Variants in FAT2 observed in about 807,000 individuals in gnomAD.
FAT2 encodes the protein FAT atypical cadherin 2.
In FAT2, 150 loss-of-function variants were observed where a neutral mutation model predicts 295.3. That is an observed-to-expected ratio of 0.51 (90% CI 0.44 to 0.58). FAT2 has a LOEUF of 0.58. Ranked by LOEUF, FAT2 falls within the 20% of genes least tolerant of loss-of-function variation. FAT2 has a pLI of 0.00. For synonymous variants in FAT2, 2,026 were observed against 2,150.3 expected (o/e 0.94, Z 1.60); for missense variants, 4,868 against 5,442.7 (o/e 0.89, Z 3.32).
chr5:151,534,442 C>T lies in FAT2; in HGVS notation c.9394G>A (p.Val3132Met), dbSNP rs779372985. The T allele has an allele frequency of 1.2e-6, 2 of 1,612,880 alleles. No individual in the cohort carries two copies. The highest frequency in any genetic ancestry group is 2.2e-5 in the East Asian group (1 of 44,832). ...GGATCCCGGGCAAATACTACAGCCA[C>T]AGGGGTCTTCACTGTGGTGTTGTCG... is the stretch of plus-strand genomic sequence containing the variant. ...VFDNTTVKTPVAVVFARDPDQ... is the reference protein window; with the variant it reads ...VFDNTTVKTPMAVVFARDPDQ... Residue 3132 changes from valine (V) to methionine (M), a missense_variant, in exon 13 of 24, where the codon GTG becomes ATG. Physicochemically the swap from Val to Met is conservative, Grantham distance 21 (BLOSUM62 1). Transcript: ENST00000261800.
In FAT2 at chr5:151,543,136, T is replaced by C. The variant is rs1235502835; in HGVS notation, c.7991A>G (p.Gln2664Arg). 5.6e-6 allele frequency: 9 copies of C among 1,614,188 alleles called. No homozygotes were observed. The highest frequency in any genetic ancestry group is 7.6e-6 in the Non-Finnish European group (9 of 1,180,032). ...NQTLDFFIKA[Q>R]DGGPPHWNSL... ...GTTCCAGTGAGGAGGGCCTCCATCTTGGGCTTTGATGAAGAAGTCAAGGGT... is the reference window on the plus strand; with the variant it reads ...GTTCCAGTGAGGAGGGCCTCCATCTCGGGCTTTGATGAAGAAGTCAAGGGT... Residue 2664 changes from glutamine to arginine, a missense_variant, in exon 10 of 24, where the codon CAA (glutamine) becomes CGA (arginine). Physicochemically the swap from Gln to Arg is conservative, Grantham distance 43. Transcript: ENST00000261800.
intron 2 of FAT2, among the ~76,000 whole-genome samples, chr5:151,564,815 G>C (rs187732243): frequency 9.5e-4 from 145 of 152,330 alleles, no homozygotes; most frequent in African/African-American, 3.3e-3. Context: ...GCTCATGCCT[G>C]TAGTCCTAGC....
chr5:151,565,872 G>A lies in FAT2; in HGVS notation c.3060C>T (p.Val1020=). 1 of 1,613,996 alleles carries A rather than the reference G, an allele frequency of 6.2e-7. No individual in the cohort carries two copies. The highest frequency in any genetic ancestry group is 8.5e-7 in the Non-Finnish European group (1 of 1,180,012). ...RRTLCHVEVI[V]LDVNENLHPP... is the part of the protein sequence containing the mutation. Reference sequence around the variant, plus strand: ...GGTGGAGATTCTCATTCACATCCAGGACGATCACCTCCACATGGCAGAGAG... The same window carrying A: ...GGTGGAGATTCTCATTCACATCCAGAACGATCACCTCCACATGGCAGAGAG... The change falls in exon 2 of 24, where the codon GTC becomes GTT. Residue 1020 remains valine (V), a synonymous_variant. Coordinates refer to ENST00000261800, the MANE Select transcript of FAT2 (RefSeq NM_001447.3).
At position 151,512,015 on chromosome 5, in the gene FAT2, T is replaced by C. The variant is rs1029076233; in HGVS notation, c.11905+150A>G. 4.5e-6 allele frequency: 3 copies of C among 665,516 alleles called. No individual in the cohort carries two copies. The highest frequency in any genetic ancestry group is 3.9e-5 in the South Asian group (2 of 51,012). The allele number at this position is 665,516 out of a possible 1,614,324, so 41.2% of individuals were successfully genotyped here. The stretch of plus-strand genomic sequence containing the variant: ...CTCCTGGCTTCCCCTAGTCTAGATA[T>C]TGCAGATTCCAACCTGTTACTCACA... On this transcript the variant is annotated intron_variant, in intron 21 of 23. Transcript: ENST00000261800. The surrounding 1 kb of genome is among the most constrained non-coding windows in gnomAD (Gnocchi z 4.1).
rs1481288416 is a variant in FAT2 at position 151,545,244 on chromosome 5, C to A, written c.5883G>T (p.Val1961=). Reference sequence around the variant, plus strand: ...GATCAAACTGCAAGCTTTTGTCAAGCACTTGGGTCAAAGAAATTTTTACCA... The same window carrying A: ...GATCAAACTGCAAGCTTTTGTCAAGAACTTGGGTCAAAGAAATTTTTACCA... The part of the protein sequence containing the change: ...TALVKISLTQ[V]LDKSLQFDQD... Residue 1961 remains valine, a synonymous_variant, in exon 10 of 24, where the codon GTG becomes GTT. Coordinates refer to ENST00000261800, the MANE Select transcript of FAT2 (RefSeq NM_001447.3). 1 of 1,614,152 alleles carries A rather than the reference C, an allele frequency of 6.2e-7. No individual in the cohort carries two copies. The highest frequency in any genetic ancestry group is 1.3e-5 in the African/African-American group (1 of 75,046).
chr5:151,539,724 T>C (rs916298929), intron 11 of FAT2, among the ~76,000 whole-genome samples: 1 of 152,180 alleles, frequency 6.6e-6, no homozygotes, highest in African/African-American at 2.4e-5. Flanking sequence ...TTAAAAAATA[T>C]GTTTAAAAGC....
chr5:151,593,003 A>G (rs1185869455), upstream of FAT2, among the ~76,000 whole-genome samples: 2 of 152,218 alleles, frequency 1.3e-5, no homozygotes, highest in Non-Finnish European at 2.9e-5. Context: ...GCAGGCTGCT[A>G]TGGTGTGTTG....
At chr5:151,577,955 C>T (rs1758805712) in intron 1 of FAT2, among the ~76,000 whole-genome samples, 1 of 150,644 alleles carries the variant, frequency 6.6e-6, no homozygotes, top group African/African-American at 2.4e-5. Flanking sequence ...CCCACTTCTT[C>T]TGGGGCTCTC....
chr5:151,545,673 G>C lies in FAT2; in HGVS notation c.5454C>G (p.Ser1818Arg), dbSNP rs745947520. ...CTGATACAATGGTTAGGGTTCCCATGCTGGGATCAATTTTGAAAAACTTCA... is the reference window on the plus strand; with the variant it reads ...CTGATACAATGGTTAGGGTTCCCATCCTGGGATCAATTTTGAAAAACTTCA... ...EALKFFKIDP[S>R]MGTLTIVSEM... is the part of the protein sequence containing the mutation. Residue 1818 changes from serine (S) to arginine (R), a missense_variant, in exon 10 of 24, where the codon AGC becomes AGG. This residue lies in a region of FAT2 where 3,297 missense variants were observed against 3,669.4 expected (regional missense o/e 0.90). Coordinates refer to ENST00000261800, the MANE Select transcript of FAT2 (RefSeq NM_001447.3). The C allele has an allele frequency of 3.7e-6, 6 of 1,614,068 alleles. No homozygotes were observed. Among genetic ancestry groups the C allele is most frequent in the Non-Finnish European group, 5.1e-6 (6 of 1,180,046 alleles).
chr5:151,578,091 C>T (rs563888664), intron 1 of FAT2, among the ~76,000 whole-genome samples: 3 of 151,864 alleles, frequency 2.0e-5, no homozygotes, highest in Non-Finnish European at 4.4e-5. Flanking sequence ...TCATTAGAAG[C>T]TCTAAACGCA....
intron 1 of FAT2, among the ~76,000 whole-genome samples, chr5:151,574,958 G>A (rs922309104): frequency 1.4e-4 from 22 of 152,198 alleles, no homozygotes; most frequent in Admixed American, 1.3e-3. Context: ...GATAATAATA[G>A]CTACTCCTAC....
chr5:151,543,481 G>C lies in FAT2; in HGVS notation c.7646C>G (p.Thr2549Arg), dbSNP rs1193117420. 2 of 1,614,196 alleles carry C rather than the reference G, an allele frequency of 1.2e-6. No homozygotes were observed. The highest frequency in any genetic ancestry group is 1.7e-6 in the Non-Finnish European group (2 of 1,180,034). ...TLQKLDRENS[T>R]ERVIAIKVMA... ...GACCTTAATAGCAATGACTCTCTCTGTTGAATTTTCCCGATCCAGTTTCTG... is the reference window on the plus strand; with the variant it reads ...GACCTTAATAGCAATGACTCTCTCTCTTGAATTTTCCCGATCCAGTTTCTG... Residue 2549 changes from threonine to arginine, a missense_variant, in exon 10 of 24, where the codon ACA (threonine) becomes AGA (arginine). Thr to Arg is a moderately conservative substitution (Grantham distance 71, BLOSUM62 -1). Around this residue, in one of 5 missense-constraint regions of FAT2, gnomAD observed 3,297 missense variants for 3,669.4 expected, o/e 0.90. Transcript: ENST00000261800.
chr5:151,592,180 C>T (rs1759438700), upstream of FAT2, among the ~76,000 whole-genome samples: 1 of 152,190 alleles, frequency 6.6e-6, no homozygotes, highest in South Asian at 2.1e-4. Flanking sequence ...ATTACGCACC[C>T]TGTGTTGAGA....
chr5:151,507,458 G>A lies in FAT2; in HGVS notation c.12213C>T (p.Arg4071=), dbSNP rs746980768. Residue 4071 remains arginine (R), a synonymous_variant, in exon 23 of 24, where the codon CGC becomes CGT. Coordinates refer to ENST00000261800, the MANE Select transcript of FAT2 (RefSeq NM_001447.3). ...ISTVGLLFYC[R]RCKSHKPVAM... The stretch of plus-strand genomic sequence containing the variant: ...CCACAGGCTTGTGAGACTTGCAACG[G>A]CGGCAGTAGAAGAGAAGCCCGACAG... 1.2e-6 allele frequency: 2 copies of A among 1,614,158 alleles called. No individual in the cohort carries two copies. Among genetic ancestry groups the A allele is most frequent in the Middle Eastern group, 1.6e-4 (1 of 6,062 alleles).
intron 22 of FAT2, 147 bp from the exon 23 acceptor site, chr5:151,507,758 A>G (rs1761013044): frequency 7.4e-6 from 5 of 676,866 alleles, no homozygotes; most frequent in South Asian, 2.0e-5. Flanking sequence ...TATCAAGCAT[A>G]TCAACATCAG....
intron 1 of FAT2, among the ~76,000 whole-genome samples, chr5:151,570,650 G>A (rs886540227): frequency 6.6e-6 from 1 of 151,992 alleles, no homozygotes; most frequent in Non-Finnish European, 1.5e-5. Context: ...TGGTGCACCA[G>A]GCTGATGCCT....
At chr5:151,554,189 A>C (rs1258195362) in intron 5 of FAT2, among the ~76,000 whole-genome samples, 173 bp downstream of exon 5, 1 of 152,194 alleles carries the variant, frequency 6.6e-6, no homozygotes, top group Non-Finnish European at 1.5e-5. Context: ...AGAAGGACCC[A>C]GAATTTGATC....
At position 151,507,568 on chromosome 5, in the gene FAT2, C is replaced by T. The variant is rs1370128915; in HGVS notation, c.12103G>A (p.Val4035Ile). 8.7e-6 allele frequency: 14 copies of T among 1,613,662 alleles called. No homozygotes were observed. The highest frequency in any genetic ancestry group is 2.7e-5 in the African/African-American group (2 of 74,834). Reference sequence around the variant, plus strand: ...TCCCCCCTTTGGATCTCGGGAGTGACTAGGCAGTGTCCTTCTGAACAACCC... The same window carrying T: ...TCCCCCCTTTGGATCTCGGGAGTGATTAGGCAGTGTCCTTCTGAACAACCC... The part of the protein sequence containing the change: ...ARGCSEGHCL[V>I]TPEIQRGDWG... The change falls in exon 23 of 24, where the codon GTC becomes ATC. Residue 4035 changes from valine (V) to isoleucine (I), a missense_variant. Val to Ile is a conservative substitution (Grantham distance 29, BLOSUM62 3). Around this residue, in one of 5 missense-constraint regions of FAT2, gnomAD observed 492 missense variants for 482.6 expected, o/e 1.02. Coordinates refer to ENST00000261800, the MANE Select transcript of FAT2 (RefSeq NM_001447.3).
intron 1 of FAT2, among the ~76,000 whole-genome samples, chr5:151,570,368 G>A (rs1031857231): frequency 5.9e-5 from 9 of 152,250 alleles, no homozygotes; most frequent in African/African-American, 2.2e-4. Flanking sequence ...TTTCATCATA[G>A]ATGAGTATAG....
Sources: gnomAD v4.1 joint callset for allele counts (sites outside exome capture counted in the v4.1 genomes callset) on GRCh38, gnomAD v4.1.1 for gene constraint, gnomAD v4.1.1 regional missense constraint, Gnocchi (gnomAD v3.1) non-coding constraint, MANE v1.5 for transcripts, NCBI Gene and HGNC (gene_info 2026-07-23, HGNC 2026-07-21) for gene names.